The following MLH3 variants were observed in gnomAD, a reference collection of about 807,000 sequenced individuals.
MLH3 encodes the protein DNA mismatch repair protein Mlh3.
MLH3 carries 82 observed loss-of-function variants against 122.2 expected under a neutral mutation model. The ratio of observed to expected loss-of-function variants is 0.67; its 90% CI spans 0.56 to 0.81. MLH3 has a LOEUF of 0.81. Ranked by LOEUF, MLH3 falls within the 30% of genes least tolerant of loss-of-function variation. The pLI, the probability that MLH3 is intolerant of heterozygous loss-of-function variation, is 0.00. For missense variants in MLH3, 1,539 were observed against 1,714.5 expected (o/e 0.90, Z 1.81); for synonymous variants, 524 against 599.5 (o/e 0.87, Z 1.84).
chr14:75,018,041 A>T (rs1890012065), intron 12 of MLH3, among the ~76,000 whole-genome samples: 1 of 152,120 alleles, frequency 6.6e-6, no homozygotes, highest in African/African-American at 2.4e-5. Flanking sequence ...GCTACTCGGG[A>T]GGCTGAGGCA....
chr14:75,036,502 G>A (rs1451795185), intron 6 of MLH3: 3 of 357,920 alleles, frequency 8.4e-6, no homozygotes, highest in Non-Finnish European at 1.7e-5. Context: ...CTGCCACCAT[G>A]TCCAGCTAAT....
intron 9 of MLH3, 81 bp downstream of exon 9, chr14:75,030,462 G>C: frequency 1.1e-5 from 15 of 1,373,730 alleles, no homozygotes; most frequent in Non-Finnish European, 1.6e-5. Context: ...TTGAAGAAAA[G>C]ATGAATTCAG....
intron 9 of MLH3, among the ~76,000 whole-genome samples, chr14:75,023,263 T>C (rs969565811): frequency 2.6e-5 from 4 of 152,242 alleles, no homozygotes; most frequent in African/African-American, 4.8e-5. Flanking sequence ...CCTCCAGAGA[T>C]AGCTTCTCAA....
At chr14:75,024,534 T>G (rs175060) in intron 9 of MLH3, among the ~76,000 whole-genome samples, 150,031 of 152,250 alleles carry the variant, frequency 0.99, 73,951 homozygotes, top group East Asian at 1. Context: ...TTTTGAGACG[T>G]AGTCTCGTTG....
intron 11 of MLH3, 85 bp from the exon 12 acceptor site, chr14:75,019,065 A>T (rs1425760701): frequency 8.2e-6 from 10 of 1,225,458 alleles, no homozygotes; most frequent in Non-Finnish European, 1.2e-5. Context: ...AATATCTGGA[A>T]AAAGTAACAT....
chr14:75,037,337 T>C (rs1254229068), intron 6 of MLH3, among the ~76,000 whole-genome samples: 3 of 152,236 alleles, frequency 2.0e-5, no homozygotes, highest in Non-Finnish European at 4.4e-5. Context: ...TAGAGCATCT[T>C]GTATCTCTTT....
At chr14:75,038,290 G>T (rs771365681) in intron 6 of MLH3, 50 bp downstream of exon 6, 134 of 1,236,804 alleles carry the variant, frequency 1.1e-4, no homozygotes, top group Non-Finnish European at 1.5e-4. Flanking sequence ...TTAAAAAAAG[G>T]TTACAAGAAG....
At position 75,038,400 on chromosome 14, in the gene MLH3, C is replaced by A; in HGVS notation, c.3583G>T (p.Val1195Leu). 1 of 1,610,948 alleles carries A rather than the reference C, an allele frequency of 6.2e-7. No individual in the cohort carries two copies. Among genetic ancestry groups the A allele is most frequent in the Non-Finnish European group, 8.5e-7 (1 of 1,177,210 alleles). ...MIHSMQVLQQ[V>L]DNKFIACLMS... ...AAACAGGCAATAAACTTGTTATCTA[C>A]TTGCTGGAGAACCTGTCAGACATTC... The change falls in exon 6 of 13, where the codon GTA becomes TTA. Residue 1195 changes from valine (V) to leucine (L), a missense_variant. By Grantham distance (32) the Val-to-Leu change is conservative. Transcript: ENST00000355774.
intron 2 of MLH3, among the ~76,000 whole-genome samples, chr14:75,044,878 C>T (rs1200591198): frequency 6.6e-6 from 1 of 152,170 alleles, no homozygotes; most frequent in Non-Finnish European, 1.5e-5. Flanking sequence ...AATGTTTATC[C>T]TCCTAGTGCA....
intron 9 of MLH3, 97 bp downstream of exon 9, chr14:75,030,446 T>C: frequency 3.2e-6 from 4 of 1,243,590 alleles, no homozygotes; most frequent in Non-Finnish European, 4.7e-6. Context: ...ATACCATGAA[T>C]ACTTGTTGAA....
At chr14:75,022,341 G>A (rs1010594622) in intron 11 of MLH3, among the ~76,000 whole-genome samples, 2 of 152,202 alleles carry the variant, frequency 1.3e-5, no homozygotes, top group Admixed American at 6.5e-5. Flanking sequence ...AAAAAAGAAC[G>A]CTTGCTAATT....
intron 2 of MLH3, among the ~76,000 whole-genome samples, chr14:75,043,368 TA>T (rs1254860794): frequency 2.0e-5 from 3 of 152,238 alleles, no homozygotes; most frequent in Non-Finnish European, 4.4e-5. Flanking sequence ...TCCCTAATAG[TA>T]CTGTGAACTC....
chr14:75,027,740 C>A (rs1890753833), intron 9 of MLH3, among the ~76,000 whole-genome samples: 1 of 114,538 alleles, frequency 8.7e-6, no homozygotes. Flanking sequence ...CAATGGTGAA[C>A]AAAGACTCTG....
chr14:75,022,506 G>A (rs1890348448), intron 11 of MLH3, among the ~76,000 whole-genome samples: 1 of 152,048 alleles, frequency 6.6e-6, no homozygotes, highest in Non-Finnish European at 1.5e-5. Context: ...TCTCCCTATA[G>A]TGAATTCCCC....
rs774817891 is a variant in MLH3 at position 75,047,432 on chromosome 14, G to C, written c.2224C>G (p.Arg742Gly). The change falls in exon 2 of 13, where the codon CGT becomes GGT. Residue 742 changes from arginine (R) to glycine (G), a missense_variant. Physicochemically the swap from Arg to Gly is moderately radical, Grantham distance 125. Coordinates refer to ENST00000355774, the MANE Select transcript of MLH3 (RefSeq NM_001040108.2). ...TGTGAACTCAAGCTTAGCTTCTTAC[G>C]GACGATTGGTTTGGAGAAACCAATT... ...KLIGFSKPIV[R>G]KKLSLSSQLG... is the part of the protein sequence containing the mutation. 1.2e-6 allele frequency: 2 copies of C among 1,613,780 alleles called. No homozygotes were observed. Among genetic ancestry groups the C allele is most frequent in the Non-Finnish European group, 1.7e-6 (2 of 1,179,932 alleles).
chr14:75,037,087 G>A (rs1301380539), intron 6 of MLH3, among the ~76,000 whole-genome samples: 2 of 151,834 alleles, frequency 1.3e-5, no homozygotes, highest in Non-Finnish European at 2.9e-5. Flanking sequence ...GTTTCCAACA[G>A]TATTGGGACA....
chr14:75,038,421 C>T lies in MLH3; in HGVS notation c.3571-9G>A, dbSNP rs1380288970. ...TCTACTTGCTGGAGAACCTGTCAGA[C>T]ATTCAAATAAGTGGTACAACACTAA... On this transcript the variant is annotated splice_polypyrimidine_tract_variant and intron_variant, in intron 5 of 12. Transcript: ENST00000355774. 1.3e-6 allele frequency: 2 copies of T among 1,581,534 alleles called. No homozygotes were observed. Among genetic ancestry groups the T allele is most frequent in the Non-Finnish European group, 1.7e-6 (2 of 1,150,700 alleles).
At chr14:75,046,283 T>G in intron 2 of MLH3, 93 bp downstream of exon 2, 3 of 1,293,640 alleles carry the variant, frequency 2.3e-6, no homozygotes, top group South Asian at 1.2e-5. Context: ...TTCTATCTGT[T>G]GAGATAATCT....
Position 75,041,706 on chromosome 14 carries a change from G to A in MLH3, c.3380-6C>T, listed in dbSNP as rs2139496554. 1 of 1,609,228 alleles carries A rather than the reference G, an allele frequency of 6.2e-7. No homozygotes were observed. The highest frequency in any genetic ancestry group is 8.5e-7 in the Non-Finnish European group (1 of 1,175,514). On this transcript the variant is annotated splice_region_variant and splice_polypyrimidine_tract_variant and intron_variant, in intron 3 of 12. Transcript: ENST00000355774. ...AACAGTATCATCCACAGTATCTAGG[G>A]CAAAAGGGAACAGGTAAAGTTGGCA...
Sources: allele counts gnomAD v4.1 joint callset (sites outside exome capture counted in the v4.1 genomes callset), GRCh38; gene constraint gnomAD v4.1.1; transcripts MANE v1.5; gene names NCBI Gene and HGNC (gene_info 2026-07-23, HGNC 2026-07-21).